The following CLEC16A variants were observed in gnomAD, a reference collection of about 807,000 sequenced individuals.
CLEC16A encodes protein CLEC16A.
In CLEC16A, 51 loss-of-function variants were observed where a neutral mutation model predicts 109.5. That is an observed-to-expected ratio of 0.47 (90% confidence interval 0.37 to 0.59). The LOEUF (loss-of-function observed/expected upper bound fraction) is 0.59. Among genes scored for constraint, CLEC16A ranks in the 20% least tolerant of loss-of-function variants. The pLI is 0.00. For synonymous variants in CLEC16A, 673 were observed against 564.2 expected (o/e 1.19, Z -2.73); for missense variants, 1,339 against 1,394.0 (o/e 0.96, Z 0.63).
intron 22 of CLEC16A, among the ~76,000 whole-genome samples, chr16:11,129,093 C>T (rs574035529): frequency 1.7e-4 from 26 of 152,322 alleles, no homozygotes; most frequent in Non-Finnish European, 3.7e-4. Flanking sequence ...TAGCCCCAAC[C>T]CCAGCCTTGC....
chr16:11,153,224 T>C (rs11859845), intron 22 of CLEC16A, among the ~76,000 whole-genome samples: 3,916 of 152,188 alleles, frequency 0.026, 183 homozygotes, highest in African/African-American at 0.09. Flanking sequence ...TCCCCAACTG[T>C]GCAATTGGCA....
chr16:10,980,942 G>A (rs543696590), intron 9 of CLEC16A, among the ~76,000 whole-genome samples: 2 of 152,292 alleles, frequency 1.3e-5, no homozygotes, highest in African/African-American at 4.8e-5. Context: ...TATGGATGAC[G>A]TTAATTTGGT....
At chr16:10,980,725 G>C (rs1456365608) in intron 9 of CLEC16A, among the ~76,000 whole-genome samples, 1 of 151,996 alleles carries the variant, frequency 6.6e-6, no homozygotes, top group East Asian at 1.9e-4. Flanking sequence ...CCTCAAACTT[G>C]AGTAATACAT....
chr16:11,082,446 A>G (rs576939034), intron 19 of CLEC16A, among the ~76,000 whole-genome samples: 2 of 152,238 alleles, frequency 1.3e-5, no homozygotes, highest in African/African-American at 2.4e-5. Flanking sequence ...CCCACCCCAA[A>G]TCTTGATGCT....
intron 7 of CLEC16A, among the ~76,000 whole-genome samples, chr16:10,976,044 C>A (rs2043016526): frequency 1.3e-5 from 2 of 152,150 alleles, no homozygotes; most frequent in South Asian, 4.1e-4. Flanking sequence ...GCAGAAGGAT[C>A]ACTTGAGTCC....
At chr16:11,088,455 C>A (rs1212531378) in intron 19 of CLEC16A, among the ~76,000 whole-genome samples, 2 of 152,204 alleles carry the variant, frequency 1.3e-5, no homozygotes, top group Non-Finnish European at 2.9e-5. Flanking sequence ...GTGAAAGCCT[C>A]GTTGGGGATG....
intron 15 of CLEC16A, among the ~76,000 whole-genome samples, chr16:11,043,107 T>G (rs2047440364): frequency 6.6e-6 from 1 of 152,158 alleles, no homozygotes. Flanking sequence ...TGCTTACAAA[T>G]GAATTTTTTG....
chr16:10,968,218 G>A (rs1373494833), intron 3 of CLEC16A, among the ~76,000 whole-genome samples: 2 of 152,258 alleles, frequency 1.3e-5, no homozygotes, highest in Non-Finnish European at 2.9e-5. Flanking sequence ...GCCCAACACT[G>A]AGATATCAAA....
intron 1 of CLEC16A, among the ~76,000 whole-genome samples, chr16:10,952,585 C>T (rs79280924): frequency 2.6e-5 from 4 of 152,352 alleles, no homozygotes; most frequent in Non-Finnish European, 4.4e-5. Flanking sequence ...GAATTAGATA[C>T]ACCATTAAAA....
intron 13 of CLEC16A, among the ~76,000 whole-genome samples, chr16:11,032,284 G>C (rs994755231): frequency 4.6e-5 from 7 of 152,230 alleles, no homozygotes; most frequent in Non-Finnish European, 8.8e-5. Flanking sequence ...TCTGCAGGGG[G>C]TGGCACAGGC....
intron 22 of CLEC16A, among the ~76,000 whole-genome samples, chr16:11,140,995 G>A (rs192802518): frequency 5.3e-4 from 80 of 152,332 alleles, no homozygotes; most frequent in Non-Finnish European, 8.2e-4. Flanking sequence ...TCACGTTATC[G>A]TAGTGTCATA....
chr16:11,058,937 T>C (rs1309509080), intron 18 of CLEC16A, among the ~76,000 whole-genome samples: 1 of 152,196 alleles, frequency 6.6e-6, no homozygotes, highest in Non-Finnish European at 1.5e-5. Context: ...TGACTCCTTA[T>C]TTGAGAGCTC....
In CLEC16A at chr16:11,179,974, A is replaced by T. The variant is rs554955998; in HGVS notation, c.*1284A>T. The T allele has an allele frequency of 6.5e-6, 1 of 152,920 alleles. No homozygotes were observed. Among genetic ancestry groups the T allele is most frequent in the Non-Finnish European group, 1.5e-5 (1 of 68,532 alleles). 9.5% of individuals were successfully genotyped at this position (152,920 alleles called of 1,614,324 possible). On this transcript the variant is annotated 3_prime_UTR_variant, in exon 24 of 24. Coordinates refer to ENST00000409790, the MANE Select transcript of CLEC16A (RefSeq NM_015226.3). ...GAGCCAGACACAGCACTCACAGCCC[A>T]GGCCGTGATCCACCCTCCCCAAGTC...
At chr16:11,126,539 A>G in intron 22 of CLEC16A, 1 of 655,610 alleles carries the variant, frequency 1.5e-6, no homozygotes, top group Non-Finnish European at 2.3e-6. Flanking sequence ...CCCCTGAAGA[A>G]GTGAGACTTC....
intron 19 of CLEC16A, among the ~76,000 whole-genome samples, chr16:11,092,912 T>C (rs2050394881): frequency 6.6e-6 from 1 of 152,242 alleles, no homozygotes; most frequent in South Asian, 2.1e-4. Flanking sequence ...GTCGTTATCC[T>C]CATCATCATG....
intron 19 of CLEC16A, among the ~76,000 whole-genome samples, chr16:11,082,593 A>G (rs1174725889): frequency 6.6e-6 from 1 of 152,168 alleles, no homozygotes; most frequent in Non-Finnish European, 1.5e-5. Context: ...GCGGCTGTGC[A>G]TTCGTTCAGC....
At chr16:11,063,788 A>G (rs1425477145) in intron 19 of CLEC16A, among the ~76,000 whole-genome samples, 1 of 152,066 alleles carries the variant, frequency 6.6e-6, no homozygotes, top group Admixed American at 6.5e-5. Context: ...CAAAGAGGCA[A>G]ACTGGTCATG....
chr16:11,147,202 G>T lies in CLEC16A; in HGVS notation c.2642-19186G>T, dbSNP rs7186336. Among the ~76,000 whole-genome samples, 8 of 152,210 alleles carry T rather than the reference G, an allele frequency of 5.3e-5. No individual in the cohort carries two copies. In the East Asian group the frequency reaches 1.5e-3, roughly 29 times the overall value. On this transcript the variant is annotated intron_variant, in intron 22 of 23. Transcript: ENST00000409790. The stretch of plus-strand genomic sequence containing the variant: ...TTGACACCTGGCAACAGTTTGGCTA[G>T]GCACAGAATTCCCCTTTGTCATCAA...
At chr16:11,017,603 G>A (rs552359300) in intron 11 of CLEC16A, among the ~76,000 whole-genome samples, 86 of 152,284 alleles carry the variant, frequency 5.6e-4, no homozygotes, top group Admixed American at 2.4e-3. Flanking sequence ...TCACAGTGGC[G>A]AAAGCTGATG....
Sources: gnomAD v4.1 joint callset for allele counts (sites outside exome capture counted in the v4.1 genomes callset) on GRCh38, gnomAD v4.1.1 for gene constraint, MANE v1.5 for transcripts, NCBI Gene and HGNC (gene_info 2026-07-23, HGNC 2026-07-21) for gene names.